The following LRMDA variants were observed in gnomAD, a reference collection of about 807,000 sequenced individuals.
The protein encoded by LRMDA is leucine-rich melanocyte differentiation-associated protein.
A neutral mutation model predicts 29.8 loss-of-function variants in LRMDA; 18 were observed. The ratio of observed to expected loss-of-function variants is 0.60; its 90% CI spans 0.42 to 0.90. The LOEUF is 0.90. Among genes scored for constraint, LRMDA ranks in the 40% least tolerant of loss-of-function variants. LRMDA has a pLI of 0.00. For missense variants in LRMDA, 273 were observed against 273.9 expected (o/e 1.00, Z 0.02); for synonymous variants, 125 against 109.4 (o/e 1.14, Z -0.89).
intron 2 of LRMDA, among the ~76,000 whole-genome samples, chr10:76,020,836 G>C (rs774341355): frequency 2.6e-5 from 4 of 152,188 alleles, no homozygotes; most frequent in Admixed American, 2.6e-4. Flanking sequence ...GCAATTCTGC[G>C]CCTGAGGAAT....
intron 2 of LRMDA, among the ~76,000 whole-genome samples, chr10:75,459,694 G>T (rs1844562415): frequency 6.6e-6 from 1 of 152,190 alleles, no homozygotes; most frequent in African/African-American, 2.4e-5. Flanking sequence ...CAGTATACCT[G>T]AGATTGGGCC....
intron 2 of LRMDA, among the ~76,000 whole-genome samples, chr10:75,465,419 C>A (rs1166584509): frequency 6.6e-6 from 1 of 152,200 alleles, no homozygotes; most frequent in Non-Finnish European, 1.5e-5. Flanking sequence ...CAGGCCAGAT[C>A]CACATGCAGA....
intron 5 of LRMDA, among the ~76,000 whole-genome samples, chr10:76,271,135 A>G (rs1840063501): frequency 6.6e-6 from 1 of 152,174 alleles, no homozygotes; most frequent in Admixed American, 6.5e-5. Context: ...TACCTTGGCT[A>G]GGCGGCTCAC....
chr10:75,741,690 T>C (rs1019948266), intron 2 of LRMDA, among the ~76,000 whole-genome samples: 2 of 152,206 alleles, frequency 1.3e-5, no homozygotes, highest in African/African-American at 4.8e-5. Context: ...ATCTTCGTTT[T>C]GGTGTCCTAC....
chr10:76,378,339 A>G (rs1841546359), intron 6 of LRMDA, among the ~76,000 whole-genome samples: 1 of 152,114 alleles, frequency 6.6e-6, no homozygotes, highest in African/African-American at 2.4e-5. Flanking sequence ...AACAGAGATA[A>G]TTTGACTTCC....
At chr10:75,469,923 T>A (rs1230781107) in intron 2 of LRMDA, among the ~76,000 whole-genome samples, 1 of 152,222 alleles carries the variant, frequency 6.6e-6, no homozygotes, top group African/African-American at 2.4e-5. Flanking sequence ...CTATTGTGTG[T>A]GGTGGCTCAC....
intron 5 of LRMDA, among the ~76,000 whole-genome samples, chr10:76,294,657 C>A (rs1006250170): frequency 6.6e-6 from 1 of 152,146 alleles, no homozygotes; most frequent in African/African-American, 2.4e-5. Flanking sequence ...TCCCAGCAAG[C>A]TAAAACACTG....
chr10:76,432,702 T>C (rs1369971242), intron 6 of LRMDA, among the ~76,000 whole-genome samples: 2 of 152,254 alleles, frequency 1.3e-5, no homozygotes, highest in Non-Finnish European at 2.9e-5. Context: ...TTGTTCATTT[T>C]ACAGATGAGG....
chr10:75,580,091 GAAAT>G (rs1330466484), intron 2 of LRMDA, among the ~76,000 whole-genome samples: 3 of 152,158 alleles, frequency 2.0e-5, no homozygotes. Context: ...GCAAGAGAAA[GAAAT>G]AAAGGGTATT....
intron 5 of LRMDA, among the ~76,000 whole-genome samples, chr10:76,106,573 A>T (rs1290780842): frequency 6.6e-6 from 1 of 152,156 alleles, no homozygotes; most frequent in Non-Finnish European, 1.5e-5. Context: ...ACAAGCATCT[A>T]TGTGATCACC....
At chr10:75,504,813 T>C (rs1845153279) in intron 2 of LRMDA, among the ~76,000 whole-genome samples, 1 of 152,166 alleles carries the variant, frequency 6.6e-6, no homozygotes, top group African/African-American at 2.4e-5. Context: ...TAAAGATTTT[T>C]ACTGTTACCC....
intron 5 of LRMDA, among the ~76,000 whole-genome samples, chr10:76,193,865 C>T (rs1202023638): frequency 6.6e-6 from 1 of 152,168 alleles, no homozygotes; most frequent in Non-Finnish European, 1.5e-5. Context: ...CTAATTCTAA[C>T]TGGAGCTTTC....
chr10:76,040,929 T>G (rs748412824), intron 3 of LRMDA, among the ~76,000 whole-genome samples: 11 of 152,232 alleles, frequency 7.2e-5, no homozygotes, highest in Non-Finnish European at 1.5e-5. Context: ...ACAGCTGGGC[T>G]GTGGCACGGA....
chr10:76,214,258 C>T (rs1851686119), intron 5 of LRMDA, among the ~76,000 whole-genome samples: 1 of 151,584 alleles, frequency 6.6e-6, no homozygotes, highest in South Asian at 2.1e-4. Context: ...AAAGAATTGG[C>T]TTAAATAATC....
chr10:76,454,421 G>A (rs1842436634), intron 6 of LRMDA, among the ~76,000 whole-genome samples: 4 of 152,062 alleles, frequency 2.6e-5, no homozygotes, highest in Admixed American at 1.3e-4. Flanking sequence ...TGGTCACTCC[G>A]AGGCTGCATT....
At chr10:76,214,822 C>T (rs1851700698) in intron 5 of LRMDA, among the ~76,000 whole-genome samples, 1 of 152,188 alleles carries the variant, frequency 6.6e-6, no homozygotes, top group South Asian at 2.1e-4. Context: ...CTTGCTTGGG[C>T]ACTCACAATG....
rs75784199 is a variant in LRMDA, at chr10:76,247,571, G to A, written c.517-76830G>A. 2.7e-3 allele frequency among the ~76,000 whole-genome samples: 412 copies of A among 152,298 alleles called. 19 individuals are homozygous for A. The East Asian group carries it at 0.062, about 23-fold the overall frequency. On this transcript the variant is annotated intron_variant, in intron 5 of 6. Transcript: ENST00000611255. ...TTGCTATGAAATCCATTCACCTAGTGTGATAGATTGTTAAAAATGGCCACT... is the reference window on the plus strand; with the variant it reads ...TTGCTATGAAATCCATTCACCTAGTATGATAGATTGTTAAAAATGGCCACT...
chr10:76,233,023 C>T (rs149670519), intron 5 of LRMDA, among the ~76,000 whole-genome samples: 21 of 152,262 alleles, frequency 1.4e-4, no homozygotes, highest in African/African-American at 3.9e-4. Flanking sequence ...GAGAAAAGTG[C>T]GCCAAATGGG....
chr10:76,339,810 A>T (rs1306465522), intron 6 of LRMDA, among the ~76,000 whole-genome samples: 1 of 150,368 alleles, frequency 6.7e-6, no homozygotes, highest in Non-Finnish European at 1.5e-5. Flanking sequence ...GAAGAAATAT[A>T]AGTCTAAACA....
Sources: allele counts gnomAD v4.1 joint callset (sites outside exome capture counted in the v4.1 genomes callset), GRCh38; gene constraint gnomAD v4.1.1; transcripts MANE v1.5; gene names NCBI Gene and HGNC (gene_info 2026-07-23, HGNC 2026-07-21).